Variants in MRPL22 observed in about 807,000 individuals in gnomAD.
MRPL22 encodes mitochondrial ribosomal protein L22.
A neutral mutation model predicts 32.4 loss-of-function variants in MRPL22; 27 were observed. That is an observed-to-expected ratio of 0.83 (90% CI 0.61 to 1.15). The LOEUF is 1.15. Among genes scored for constraint, MRPL22 ranks in the 50% most tolerant of loss-of-function variants. The pLI is 0.00. For synonymous variants in MRPL22, 86 were observed against 87.3 expected, an observed-to-expected ratio of 0.99 and a Z score of 0.08; for missense variants, 239 against 260.2, an observed-to-expected ratio of 0.92 and a Z score of 0.56.
At chr5:154,961,629 A>C (rs192034170) in intron 6 of MRPL22, among the ~76,000 whole-genome samples, 23 of 152,308 alleles carry the variant, frequency 1.5e-4, no homozygotes, top group Admixed American at 1.5e-3. Context: ...AGCAGGGTCC[A>C]CTGTTGCCAT....
chr5:154,964,505 T>C (rs1005004276), intron 6 of MRPL22, among the ~76,000 whole-genome samples: 3 of 152,254 alleles, frequency 2.0e-5, no homozygotes, highest in Admixed American at 1.3e-4. Context: ...TTCTAAGTCC[T>C]GATTTCATTT....
intron 2 of MRPL22, among the ~76,000 whole-genome samples, chr5:154,944,389 T>G (rs1764461562): frequency 6.6e-6 from 1 of 152,220 alleles, no homozygotes; most frequent in South Asian, 2.1e-4. Context: ...CCACCAAGCC[T>G]GTCTGTACCA....
At chr5:154,956,726 T>C in intron 4 of MRPL22, 2 of 374,328 alleles carry the variant, frequency 5.3e-6, no homozygotes, top group Admixed American at 8.9e-5. Context: ...TAAACTTGAT[T>C]CAACCTGTTT....
Position 154,960,096 on chromosome 5 carries a change from A to G in MRPL22, c.409+47A>G, listed in dbSNP as rs371506493. On this transcript the variant is annotated intron_variant, in intron 6 of 6. Coordinates refer to ENST00000523037, the MANE Select transcript of MRPL22 (RefSeq NM_014180.4). ...GCATTAGAAAATGTCTTCAGTAGTAATGCCATGTTTTTTATCTAACAACAG... is the reference window on the plus strand; with the variant it reads ...GCATTAGAAAATGTCTTCAGTAGTAGTGCCATGTTTTTTATCTAACAACAG... The G allele has an allele frequency of 8.5e-5, 115 of 1,353,570 alleles. No individual in the cohort carries two copies. The African/African-American group carries it at 1.4e-3, about 16-fold the overall frequency. 83.8% of individuals were successfully genotyped at this position (1,353,570 alleles called of 1,614,324 possible). A position where few individuals can be genotyped will look rare whatever the true frequency, so the allele number is the denominator to read the frequency against.
intron 6 of MRPL22, among the ~76,000 whole-genome samples, chr5:154,960,515 T>C (rs957362512): frequency 1.3e-5 from 2 of 152,210 alleles, no homozygotes; most frequent in Non-Finnish European, 2.9e-5. Context: ...GAAGGTCTGT[T>C]GAATTGTAAA....
intron 2 of MRPL22, among the ~76,000 whole-genome samples, chr5:154,950,594 C>T (rs1460804712): frequency 6.6e-6 from 1 of 152,144 alleles, no homozygotes; most frequent in Non-Finnish European, 1.5e-5. Context: ...TATCTATTAA[C>T]GGTTTGACTT....
intron 3 of MRPL22, among the ~76,000 whole-genome samples, chr5:154,952,127 T>G (rs1220967352): frequency 6.6e-6 from 1 of 152,106 alleles, no homozygotes; most frequent in Non-Finnish European, 1.5e-5. Flanking sequence ...ATGATCCGCC[T>G]GCCTCGGCCT....
chr5:154,946,434 T>C (rs903088486), intron 2 of MRPL22, among the ~76,000 whole-genome samples: 1 of 152,152 alleles, frequency 6.6e-6, no homozygotes, highest in Non-Finnish European at 1.5e-5. Context: ...TATTTAAAGC[T>C]TACAGTTCAC....
rs866547818 is a variant in MRPL22 at position 154,954,964 on chromosome 5, T to A, written c.196-1407T>A. Among the ~76,000 whole-genome samples, 5 of 151,894 alleles carry A rather than the reference T, an allele frequency of 3.3e-5. No homozygotes were observed. The South Asian group carries it at 1.0e-3, about 32-fold the overall frequency. ...CGGCCACCATGCCCGGCTAATTTTT[T>A]TTTTTTGTATTTTTAGTAGAGACGG... On this transcript the variant is annotated intron_variant, in intron 3 of 6. Transcript: ENST00000523037.
chr5:154,945,812 T>A (rs2113531945), intron 2 of MRPL22, among the ~76,000 whole-genome samples: 1 of 152,334 alleles, frequency 6.6e-6, no homozygotes, highest in South Asian at 2.1e-4. Context: ...AATTAGAATT[T>A]GTCTGTATTT....
intron 2 of MRPL22, among the ~76,000 whole-genome samples, chr5:154,944,961 G>T (rs1764469300): frequency 6.6e-6 from 1 of 152,210 alleles, no homozygotes; most frequent in African/African-American, 2.4e-5. Context: ...AGGTCAGAGA[G>T]GAAGGGGCAG....
intron 2 of MRPL22, 150 bp downstream of exon 2, chr5:154,941,415 T>A (rs1309041903): frequency 7.0e-6 from 7 of 993,996 alleles, no homozygotes; most frequent in Non-Finnish European, 1.0e-5. Context: ...TTTGTCACTC[T>A]ATTTTTTCTC....
At chr5:154,953,723 G>A (rs1216455684) in intron 3 of MRPL22, among the ~76,000 whole-genome samples, 3 of 113,070 alleles carry the variant, frequency 2.7e-5, no homozygotes, top group African/African-American at 1.1e-4. Context: ...GTCTAGCTCT[G>A]TTGCCCAGGC....
At chr5:154,953,358 A>G (rs1764588604) in intron 3 of MRPL22, among the ~76,000 whole-genome samples, 1 of 89,604 alleles carries the variant, frequency 1.1e-5, no homozygotes, top group Non-Finnish European at 2.3e-5. Flanking sequence ...ACTCCGTCTC[A>G]GGAGAAAAAA....
At chr5:154,956,874 C>A in intron 4 of MRPL22, 1 of 411,340 alleles carries the variant, frequency 2.4e-6, no homozygotes, top group Non-Finnish European at 4.3e-6. Flanking sequence ...TGGTTGTTAC[C>A]AACCTGTGGT....
rs1764813291 is a variant in MRPL22 at position 154,969,204 on chromosome 5, T to A, written c.*2307T>A. 1 of 152,198 alleles carries A rather than the reference T, an allele frequency of 6.6e-6. No individual in the cohort carries two copies. Among genetic ancestry groups the A allele is most frequent in the Admixed American group, 6.5e-5 (1 of 15,278 alleles). The allele number at this position is 152,198 out of a possible 1,614,324, so 9.4% of individuals were successfully genotyped here. A position where few individuals can be genotyped will look rare whatever the true frequency, so the allele number is the denominator to read the frequency against. On this transcript the variant is annotated 3_prime_UTR_variant, in exon 7 of 7. Coordinates refer to ENST00000523037, the MANE Select transcript of MRPL22 (RefSeq NM_014180.4). ...GAGGTGATTGATGATGGGTGTGGTG[T>A]ACCCCATGCTGTTCTCGTGATAGTG...
At position 154,949,568 on chromosome 5, in the gene MRPL22, C is replaced by T. The variant is rs890407311; in HGVS notation, c.78-1253C>T. ...GGGGAAGAGGTAAAGCATTTGAGAA[C>T]GATTTCAGGGGAATCTTTATTTTAT... On this transcript the variant is annotated intron_variant, in intron 2 of 6. Coordinates refer to ENST00000523037, the MANE Select transcript of MRPL22 (RefSeq NM_014180.4). Among the ~76,000 whole-genome samples, 7 of 152,150 alleles carry T rather than the reference C, an allele frequency of 4.6e-5. 1 individual carries two copies. Among genetic ancestry groups the T allele is most frequent in the Admixed American group, 2.6e-4 (4 of 15,258 alleles).
At chr5:154,944,790 A>T (rs1764466327) in intron 2 of MRPL22, among the ~76,000 whole-genome samples, 2 of 152,216 alleles carry the variant, frequency 1.3e-5, no homozygotes, top group African/African-American at 4.8e-5. Context: ...ACTAAAAGAT[A>T]ATCTTTGAGT....
intron 4 of MRPL22, 81 bp downstream of exon 4, chr5:154,956,517 G>C (rs911792340): frequency 1.0e-5 from 9 of 882,954 alleles, no homozygotes; most frequent in Non-Finnish European, 1.6e-5. Context: ...CTCACCCCAG[G>C]ATTTGAAAAA....
Sources: gnomAD v4.1 joint callset for allele counts (sites outside exome capture counted in the v4.1 genomes callset) on GRCh38, gnomAD v4.1.1 for gene constraint, MANE v1.5 for transcripts, NCBI Gene and HGNC (gene_info 2026-07-23, HGNC 2026-07-21) for gene names.